SMARCA4: variants seen among roughly 807,000 people sequenced by gnomAD.
SMARCA4 encodes SWI/SNF related BAF chromatin remodeling complex subunit ATPase 4, also known as SWI/SNF-related matrix-associated actin-dependent regulator of chromatin subfamily A member 4.
In SMARCA4, 31 loss-of-function variants were observed where a neutral mutation model predicts 193.9. That is an observed-to-expected ratio of 0.16 (90% CI 0.12 to 0.22). The LOEUF (loss-of-function observed/expected upper bound fraction) is 0.22, where lower values mean the gene tolerates loss of function less well. Among genes scored for constraint, SMARCA4 ranks in the 10% least tolerant of loss-of-function variants. The probability of loss-of-function intolerance (pLI) is 1.00; values close to 1 mark genes in which losing one functional copy is unlikely to be tolerated. For synonymous variants in SMARCA4, 942 were observed against 933.1 expected (o/e 1.01, Z -0.17); for missense variants, 1,148 against 2,296.0 (o/e 0.50, Z 10.22).
chr19:11,055,477 T>C (rs2076491682), intron 30 of SMARCA4, among the ~76,000 whole-genome samples: 1 of 151,496 alleles, frequency 6.6e-6, no homozygotes, highest in Non-Finnish European at 1.5e-5. Flanking sequence ...CGTGAGCCAC[T>C]GCGCCCAGCC....
At chr19:11,022,950 C>T (rs915834197) in intron 19 of SMARCA4, among the ~76,000 whole-genome samples, 19 of 152,196 alleles carry the variant, frequency 1.2e-4, no homozygotes, top group African/African-American at 2.2e-4. Context: ...GTTTTGGCGT[C>T]GTCTCATTTT....
rs1406120029 is a variant in SMARCA4 at position 11,019,271 on chromosome 19, CAGGCGCCTGAGATGGGGACCCAGGAAG to C, written c.2505+252_2505+278del. 1.6e-6 allele frequency: 1 copy of C among 616,254 alleles called. No individual in the cohort carries two copies. Among genetic ancestry groups the C allele is most frequent in the African/African-American group, 1.8e-5 (1 of 54,630 alleles). 38.2% of individuals were successfully genotyped at this position (616,254 alleles called of 1,614,324 possible). On this transcript the variant is annotated intron_variant, in intron 17 of 34. Coordinates refer to ENST00000344626, the MANE Select transcript of SMARCA4 (RefSeq NM_003072.5). This position sits in a 1 kb window ranked among gnomAD's most constrained non-coding sequence, Gnocchi z 6.1. ...GGTGGCCAGCACTCAGAGGCCAGCT[CAGGCGCCTGAGATGGGGACCCAGGAAG>C]AGGGGAGCCTGTCAGCCACCAGGAA...
At chr19:11,042,196 GC>G (rs1300353870) in intron 30 of SMARCA4, among the ~76,000 whole-genome samples, 1 of 152,238 alleles carries the variant, frequency 6.6e-6, no homozygotes, top group African/African-American at 2.4e-5. Context: ...TCCAGCTGTG[GC>G]CACGGCCCAG....
At chr19:11,021,660 G>T in intron 18 of SMARCA4, 65 bp from the exon 19 acceptor site, 2 of 1,551,616 alleles carry the variant, frequency 1.3e-6, no homozygotes, top group Non-Finnish European at 8.7e-7. Flanking sequence ...CAGAGTGGGA[G>T]ATTCTCCCCA....
In SMARCA4 at chr19:11,041,466, G is replaced by A. The variant is rs2146819661; in HGVS notation, c.4330G>A (p.Gly1444Arg). 6.2e-7 allele frequency: 1 copy of A among 1,612,592 alleles called. No individual in the cohort carries two copies. The highest frequency in any genetic ancestry group is 8.5e-7 in the Non-Finnish European group (1 of 1,179,906). ...CGAGAGCAAGAAGCAGAAGAAGCGC[G>A]GGCGGCCGCCTGCCGAGAAACTCTC... The part of the protein sequence containing the change: ...DDESKKQKKR[G>R]RPPAEKLSPN... Residue 1444 changes from glycine (G) to arginine (R), a missense_variant, in exon 30 of 35, where the codon GGG becomes AGG. Around this residue, in one of 17 missense-constraint regions of SMARCA4, gnomAD observed 141 missense variants for 193.0 expected, o/e 0.73. Transcript: ENST00000344626. This position sits in a 1 kb window ranked among gnomAD's most constrained non-coding sequence, Gnocchi z 5.6.
In SMARCA4 at chr19:11,033,967, CGTGTGT is replaced by C. The variant is rs1402864045; in HGVS notation, c.3873+106_3873+111del. 1.3e-6 allele frequency: 1 copy of C among 748,714 alleles called. No homozygotes were observed. The highest frequency in any genetic ancestry group is 1.8e-5 in the Admixed American group (1 of 54,314). The allele number at this position is 748,714 out of a possible 1,614,324, so 46.4% of individuals were successfully genotyped here. A position where few individuals can be genotyped will look rare whatever the true frequency, so the allele number is the denominator to read the frequency against. On this transcript the variant is annotated intron_variant, in intron 27 of 34. Transcript: ENST00000344626. This position sits in a 1 kb window ranked among gnomAD's most constrained non-coding sequence, Gnocchi z 9.8. ...CCCACGGAGCGTGCGTGTGCGTGTG[CGTGTGT>C]GTGCCTTTCGCTGCCGTGTGGGTCC... is the stretch of plus-strand genomic sequence containing the variant.
rs751003991 is a variant in SMARCA4 at position 11,019,577 on chromosome 19, T to G, written c.2506-14T>G. 8.2e-6 allele frequency: 13 copies of G among 1,589,120 alleles called. No individual in the cohort carries two copies. The highest frequency in any genetic ancestry group is 1.1e-5 in the Non-Finnish European group (13 of 1,161,836). On this transcript the variant is annotated splice_polypyrimidine_tract_variant and intron_variant, in intron 17 of 34. Transcript: ENST00000344626. The surrounding 1 kb of genome is among the most constrained non-coding windows in gnomAD (Gnocchi z 6.1). ...GCTCCAAAAGCCGAGCTGTGCATCC[T>G]GCTTCCCTTGCAGGGATCCCCAGCA...
chr19:11,021,979 C>T lies in SMARCA4; in HGVS notation c.2859+12C>T, dbSNP rs1214399950. 9.9e-6 allele frequency: 16 copies of T among 1,611,586 alleles called. No homozygotes were observed. Among genetic ancestry groups the T allele is most frequent in the Non-Finnish European group, 1.3e-5 (15 of 1,179,970 alleles). On this transcript the variant is annotated intron_variant, in intron 19 of 34. Transcript: ENST00000344626. ...TGACCGGGGAAAAGGTGGGTTTGCC[C>T]AGCTGTGCCCATGCTGACGGTTCCA...
intron 1 of SMARCA4, among the ~76,000 whole-genome samples, chr19:10,971,177 C>T (rs1333133259): frequency 6.6e-6 from 1 of 151,932 alleles, no homozygotes; most frequent in African/African-American, 2.4e-5. Flanking sequence ...GCCTGGGCAA[C>T]AAGAGTGAAA....
In SMARCA4 at chr19:11,003,342, A is replaced by T. The variant is rs2146108000; in HGVS notation, c.1946A>T (p.Tyr649Phe). The change falls in exon 13 of 35, where the codon TAT (tyrosine) becomes TTT (phenylalanine). Residue 649 changes from tyrosine to phenylalanine, a missense_variant and splice_region_variant. Tyr to Phe is a conservative substitution (Grantham distance 22, BLOSUM62 3). Transcript: ENST00000344626. Reference protein sequence around the residue: ...LEAWLEMNPGYEVAPRSDSEE... With the variant: ...LEAWLEMNPGFEVAPRSDSEE... ...GAAAGCCCTTACATTTTTTCTAGGT[A>T]TGAAGTAGCTCCGAGGTCTGATAGT... 1.2e-6 allele frequency: 2 copies of T among 1,613,898 alleles called. No individual in the cohort carries two copies.
chr19:11,037,062 C>T (rs1267854138), intron 29 of SMARCA4, among the ~76,000 whole-genome samples: 5 of 152,220 alleles, frequency 3.3e-5, no homozygotes, highest in Non-Finnish European at 7.3e-5. Context: ...TATCCACTTT[C>T]GGGCTATTAC....
intron 1 of SMARCA4, chr19:10,983,821 CCT>C: frequency 2.1e-6 from 1 of 477,812 alleles, no homozygotes; most frequent in Non-Finnish European, 3.9e-6. Flanking sequence ...ACCAGCACCC[CCT>C]GAGACACCCT....
In SMARCA4 at chr19:11,026,274, C is replaced by T. The variant is rs372525883; in HGVS notation, c.3169-26C>T. 8.7e-6 allele frequency: 14 copies of T among 1,609,370 alleles called. No homozygotes were observed. The African/African-American group carries it at 1.9e-4, about 22-fold the overall frequency. On this transcript the variant is annotated intron_variant, in intron 22 of 34. Transcript: ENST00000344626. ...CCCGGTGGCCTGCTCCTGCCTGTCA[C>T]TGACCCCTCTCTCCTTGCCTTGCAG...
intron 34 of SMARCA4, among the ~76,000 whole-genome samples, chr19:11,061,196 A>ATAT (rs1161840643): frequency 4.7e-5 from 4 of 85,878 alleles, no homozygotes; most frequent in African/African-American, 1.8e-4. Flanking sequence ...TTTAAAAAAA[A>ATAT]AAAAAAAAAT....
At chr19:10,967,232 G>A (rs1379687383) in intron 1 of SMARCA4, among the ~76,000 whole-genome samples, 6 of 152,186 alleles carry the variant, frequency 3.9e-5, no homozygotes, top group Admixed American at 3.9e-4. Context: ...TTGTTACAGG[G>A]CAGAGAGAAG....
At chr19:11,013,499 G>A (rs2089057075) in intron 16 of SMARCA4, among the ~76,000 whole-genome samples, 1 of 152,136 alleles carries the variant, frequency 6.6e-6, no homozygotes, top group Non-Finnish European at 1.5e-5. Flanking sequence ...CTGGGGGTCA[G>A]GACTGCTCCA....
chr19:10,968,319 C>T (rs1568392575), intron 1 of SMARCA4, among the ~76,000 whole-genome samples: 1 of 152,136 alleles, frequency 6.6e-6, no homozygotes, highest in African/African-American at 2.4e-5. Context: ...AGACTGGTTT[C>T]CAGAGCTTTG....
chr19:10,979,356 T>A (rs2085381912), intron 1 of SMARCA4, among the ~76,000 whole-genome samples: 1 of 150,826 alleles, frequency 6.6e-6, no homozygotes, highest in Admixed American at 6.6e-5. Flanking sequence ...AAAATGAGAA[T>A]GCTCACATAA....
chr19:11,031,448 G>T lies in SMARCA4; in HGVS notation c.3546+555G>T. 5.8e-6 allele frequency: 1 copy of T among 171,952 alleles called. No homozygotes were observed. The highest frequency in any genetic ancestry group is 1.3e-5 in the Non-Finnish European group (1 of 78,504). 10.7% of individuals were successfully genotyped at this position (171,952 alleles called of 1,614,324 possible). A position where few individuals can be genotyped will look rare whatever the true frequency, so the allele number is the denominator to read the frequency against. On this transcript the variant is annotated intron_variant, in intron 25 of 34. Coordinates refer to ENST00000344626, the MANE Select transcript of SMARCA4 (RefSeq NM_003072.5). The surrounding 1 kb of genome is among the most constrained non-coding windows in gnomAD (Gnocchi z 4.3). ...ATTATAAGACTGATAAGTTCTTATT[G>T]TTTTTAACATGTAAACACCAGTGAC...
Sources: allele counts gnomAD v4.1 joint callset (sites outside exome capture counted in the v4.1 genomes callset), GRCh38; gene constraint gnomAD v4.1.1; regional missense constraint gnomAD v4.1.1; non-coding constraint Gnocchi (gnomAD v3.1); transcripts MANE v1.5; gene names NCBI Gene and HGNC (gene_info 2026-07-23, HGNC 2026-07-21).